Variants in PCGF5 observed in about 807,000 individuals in gnomAD.
PCGF5 encodes the protein polycomb group ring finger 5.
Under a neutral mutation model 44.3 loss-of-function variants are expected in PCGF5, and 9 were observed. The ratio of observed to expected loss-of-function variants is 0.20; its 90% CI spans 0.12 to 0.35. The LOEUF (loss-of-function observed/expected upper bound fraction) is 0.35. Among genes scored for constraint, PCGF5 ranks in the 10% least tolerant of loss-of-function variants. PCGF5 has a pLI of 1.00. For synonymous variants in PCGF5, 95 were observed against 102.5 expected (o/e 0.93, Z 0.44); for missense variants, 146 against 305.3 (o/e 0.48, Z 3.89).
intron 1 of PCGF5, among the ~76,000 whole-genome samples, chr10:91,194,104 G>A (rs1844083915): frequency 6.6e-6 from 1 of 152,172 alleles, no homozygotes; most frequent in Admixed American, 6.5e-5. Flanking sequence ...AGTGTGACAT[G>A]TCTGTTAAAC....
intron 1 of PCGF5, among the ~76,000 whole-genome samples, chr10:91,208,142 A>C (rs1473966136): frequency 6.6e-6 from 1 of 152,246 alleles, no homozygotes. Context: ...TAACATGGTT[A>C]TAAAATAGTG....
chr10:91,251,488 C>A (rs1343257108), intron 6 of PCGF5, 48 bp downstream of exon 6: 3 of 1,539,182 alleles, frequency 1.9e-6, no homozygotes, highest in East Asian at 2.3e-5. Flanking sequence ...TTATAGTAAA[C>A]CCTTGATAAT....
chr10:91,167,532 A>G (rs1169817563), intron 1 of PCGF5, among the ~76,000 whole-genome samples: 1 of 152,234 alleles, frequency 6.6e-6, no homozygotes, highest in Non-Finnish European at 1.5e-5. Flanking sequence ...AGCCTGTGCT[A>G]AGACTTGAAG....
intron 1 of PCGF5, among the ~76,000 whole-genome samples, chr10:91,167,753 C>T (rs975934087): frequency 1.3e-5 from 2 of 152,138 alleles, no homozygotes; most frequent in Non-Finnish European, 2.9e-5. Context: ...ATGATGTGAT[C>T]AAGACTATGC....
chr10:91,221,983 G>C (rs775043100), intron 1 of PCGF5, among the ~76,000 whole-genome samples: 1 of 152,204 alleles, frequency 6.6e-6, no homozygotes, highest in Non-Finnish European at 1.5e-5. Flanking sequence ...GGGCGTGTTG[G>C]ATAGAGTGCT....
chr10:91,223,063 T>A, intron 2 of PCGF5, 80 bp downstream of exon 2: 1 of 911,836 alleles, frequency 1.1e-6, no homozygotes, highest in Non-Finnish European at 1.8e-6. Context: ...TGTTTTGTTT[T>A]TATCTATGTT....
At chr10:91,179,662 C>T (rs536796509) in intron 1 of PCGF5, among the ~76,000 whole-genome samples, 93 of 152,324 alleles carry the variant, frequency 6.1e-4, no homozygotes, top group Non-Finnish European at 1.1e-3. Flanking sequence ...AACCATGTCC[C>T]CACAAAGGAC....
At chr10:91,176,476 C>A (rs1014569324) in intron 1 of PCGF5, among the ~76,000 whole-genome samples, 114 of 152,228 alleles carry the variant, frequency 7.5e-4, no homozygotes, top group African/African-American at 2.2e-3. Context: ...AGATTGGGGA[C>A]GTTCTCCTGG....
chr10:91,239,752 G>A (rs1845274093), intron 2 of PCGF5, among the ~76,000 whole-genome samples: 1 of 152,158 alleles, frequency 6.6e-6, no homozygotes, highest in African/African-American at 2.4e-5. Context: ...AGAGAGATTA[G>A]TAGTGTTTGT....
rs1205392383 is a variant in PCGF5, at chr10:91,280,706, G to T, written c.*2390G>T. ...GTATATTCAACTACAGCTTTCTAAGGATAGGACTACTTTCATGTCTAGTAA... is the reference window on the plus strand; with the variant it reads ...GTATATTCAACTACAGCTTTCTAAGTATAGGACTACTTTCATGTCTAGTAA... On this transcript the variant is annotated 3_prime_UTR_variant, in exon 10 of 10. Coordinates refer to ENST00000336126, the MANE Select transcript of PCGF5 (RefSeq NM_032373.5). The T allele has an allele frequency of 6.6e-6, 1 of 152,288 alleles. No individual in the cohort carries two copies. The highest frequency in any genetic ancestry group is 1.5e-5 in the Non-Finnish European group (1 of 67,860). 9.4% of individuals were successfully genotyped at this position (152,288 alleles called of 1,614,324 possible). A position where few individuals can be genotyped will look rare whatever the true frequency, so the allele number is the denominator to read the frequency against.
chr10:91,238,886 C>CT (rs1362107644), intron 2 of PCGF5, among the ~76,000 whole-genome samples: 1 of 151,788 alleles, frequency 6.6e-6, no homozygotes, highest in African/African-American at 2.4e-5. Context: ...TAAGCTTTTT[C>CT]TTTTTTTAAG....
At chr10:91,228,220 T>G (rs1301557473) in intron 2 of PCGF5, among the ~76,000 whole-genome samples, 1 of 152,126 alleles carries the variant, frequency 6.6e-6, no homozygotes, top group Non-Finnish European at 1.5e-5. Context: ...AGAATGTATC[T>G]GCTGGGTGGT....
rs1367483330 is a variant in PCGF5 at position 91,280,244 on chromosome 10, C to T, written c.*1928C>T. On this transcript the variant is annotated 3_prime_UTR_variant, in exon 10 of 10. Transcript: ENST00000336126. Reference sequence around the variant, plus strand: ...TATTATAAATTTGTCACACCTAGGTCAGCGATTAAAATAGTGTTTTGCAAA... The same window carrying T: ...TATTATAAATTTGTCACACCTAGGTTAGCGATTAAAATAGTGTTTTGCAAA... The T allele has an allele frequency of 6.6e-6, 1 of 151,976 alleles. No individual in the cohort carries two copies. The highest frequency in any genetic ancestry group is 1.9e-4 in the East Asian group (1 of 5,194). 9.4% of individuals were successfully genotyped at this position (151,976 alleles called of 1,614,324 possible).
At chr10:91,204,415 A>G (rs1319051809) in intron 1 of PCGF5, among the ~76,000 whole-genome samples, 1 of 152,108 alleles carries the variant, frequency 6.6e-6, no homozygotes, top group East Asian at 1.9e-4. Context: ...CTTTTAACTA[A>G]TATTTACTTC....
intron 1 of PCGF5, among the ~76,000 whole-genome samples, chr10:91,177,096 C>T (rs1210969544): frequency 1.3e-5 from 2 of 152,158 alleles, no homozygotes; most frequent in Non-Finnish European, 2.9e-5. Flanking sequence ...TGTGGATGTC[C>T]TTTCTGTTTG....
intron 8 of PCGF5, among the ~76,000 whole-genome samples, chr10:91,268,664 T>C (rs567654640): frequency 2.2e-4 from 34 of 152,298 alleles, no homozygotes; most frequent in African/African-American, 8.2e-4. Flanking sequence ...GCTCTGCTTC[T>C]AGCCTCTTAG....
intron 1 of PCGF5, among the ~76,000 whole-genome samples, chr10:91,197,423 C>G (rs1368464080): frequency 1.3e-5 from 2 of 152,208 alleles, no homozygotes; most frequent in African/African-American, 4.8e-5. Flanking sequence ...AGTGTTATCA[C>G]AACTGCTGAT....
intron 3 of PCGF5, among the ~76,000 whole-genome samples, chr10:91,245,914 G>A (rs1845449798): frequency 6.6e-6 from 1 of 152,156 alleles, no homozygotes; most frequent in East Asian, 1.9e-4. Flanking sequence ...ATGATTCCTG[G>A]CAAACTTAAA....
chr10:91,255,951 T>G (rs1845740901), intron 6 of PCGF5, among the ~76,000 whole-genome samples: 1 of 152,080 alleles, frequency 6.6e-6, no homozygotes, highest in Non-Finnish European at 1.5e-5. Context: ...ACAATGCAAA[T>G]GCTATGTAAG....
Sources: gnomAD v4.1 joint callset for allele counts (sites outside exome capture counted in the v4.1 genomes callset) on GRCh38, gnomAD v4.1.1 for gene constraint, MANE v1.5 for transcripts, NCBI Gene and HGNC (gene_info 2026-07-23, HGNC 2026-07-21) for gene names.